Variants in ZRANB3 observed in about 807,000 individuals in gnomAD.
The protein encoded by ZRANB3 is DNA annealing helicase and endonuclease ZRANB3.
In ZRANB3, 125 loss-of-function variants were observed where a neutral mutation model predicts 133.8. The observed-to-expected ratio is 0.93, with a 90% CI of 0.81 to 1.08. The LOEUF (loss-of-function observed/expected upper bound fraction) is 1.08. Ranked by LOEUF, ZRANB3 falls within the 50% of genes least tolerant of loss-of-function variation. The pLI, the probability that ZRANB3 is intolerant of heterozygous loss-of-function variation, is 0.00. For synonymous variants in ZRANB3, 387 were observed against 432.7 expected, an observed-to-expected ratio of 0.89 and a Z score of 1.31; for missense variants, 1,229 against 1,275.5, an observed-to-expected ratio of 0.96 and a Z score of 0.56.
intron 2 of ZRANB3, among the ~76,000 whole-genome samples, chr2:135,396,024 A>T (rs1001865299): frequency 2.0e-5 from 3 of 152,228 alleles, no homozygotes; most frequent in Non-Finnish European, 2.9e-5. Context: ...CTGAATAGAT[A>T]TTTTTCAAAG....
At chr2:135,347,802 A>G (rs1685010582) in intron 5 of ZRANB3, among the ~76,000 whole-genome samples, 1 of 152,216 alleles carries the variant, frequency 6.6e-6, no homozygotes. Flanking sequence ...ATACCAAAAC[A>G]TGAGTTGCAG....
intron 3 of ZRANB3, among the ~76,000 whole-genome samples, chr2:135,384,793 G>A (rs903393296): frequency 2.5e-4 from 38 of 152,198 alleles, no homozygotes; most frequent in African/African-American, 7.9e-4. Context: ...AAATTCAACA[G>A]CCCTTCATGC....
At chr2:135,251,973 T>C (rs1046209956) in intron 12 of ZRANB3, among the ~76,000 whole-genome samples, 4 of 152,204 alleles carry the variant, frequency 2.6e-5, no homozygotes, top group African/African-American at 9.7e-5. Flanking sequence ...AGGCGGAGGC[T>C]GCATTGAGCC....
chr2:135,327,641 A>T (rs1683900849), intron 6 of ZRANB3, among the ~76,000 whole-genome samples: 1 of 152,190 alleles, frequency 6.6e-6, no homozygotes, highest in Non-Finnish European at 1.5e-5. Flanking sequence ...AAGGGTGTTT[A>T]TATTCTTGTT....
At chr2:135,312,738 G>C (rs995830668) in intron 8 of ZRANB3, among the ~76,000 whole-genome samples, 5 of 152,010 alleles carry the variant, frequency 3.3e-5, no homozygotes, top group Non-Finnish European at 7.4e-5. Context: ...AATATAGTTC[G>C]GGCACGGTGG....
In ZRANB3 at chr2:135,284,905, G is replaced by GTGCA. The variant is rs370241234; in HGVS notation, c.967-9154_967-9151dup. Among the ~76,000 whole-genome samples the GTGCA allele has an allele frequency of 9.9e-5, 15 of 150,982 alleles. No individual in the cohort carries two copies. The East Asian group carries it at 2.9e-3, about 30-fold the overall frequency. On this transcript the variant is annotated intron_variant, in intron 8 of 20. Coordinates refer to ENST00000264159, the MANE Select transcript of ZRANB3 (RefSeq NM_032143.4). ...TTGTTGCCTAGGCTGGAGTGCCACG[G>GTGCA]TGCACTCTTGGCTCGCTGCAATCTC...
intron 2 of ZRANB3, among the ~76,000 whole-genome samples, chr2:135,477,453 G>A (rs1278561914): frequency 6.6e-6 from 1 of 152,178 alleles, no homozygotes; most frequent in Non-Finnish European, 1.5e-5. Context: ...GGAAGGTCTG[G>A]TAGTAGCTGG....
intron 15 of ZRANB3, among the ~76,000 whole-genome samples, chr2:135,223,379 G>A (rs1328807893): frequency 6.7e-6 from 1 of 150,180 alleles, no homozygotes; most frequent in Non-Finnish European, 1.5e-5. Context: ...AGGCTGGAGT[G>A]CAGTGGCGCG....
chr2:135,213,523 T>C (rs1261807775), intron 17 of ZRANB3, among the ~76,000 whole-genome samples: 1 of 152,222 alleles, frequency 6.6e-6, no homozygotes, highest in African/African-American at 2.4e-5. Flanking sequence ...TTTCATTTCA[T>C]GATGCTGCTA....
intron 6 of ZRANB3, among the ~76,000 whole-genome samples, chr2:135,324,838 A>G (rs1683732373): frequency 6.6e-6 from 1 of 151,932 alleles, no homozygotes; most frequent in South Asian, 2.1e-4. Context: ...AGCAGTGATG[A>G]TGAGCATTTT....
chr2:135,226,004 G>A (rs1694747902), intron 14 of ZRANB3, among the ~76,000 whole-genome samples: 1 of 152,194 alleles, frequency 6.6e-6, no homozygotes, highest in Admixed American at 6.5e-5. Flanking sequence ...TGAAAGAAAT[G>A]TCCAAGCAAC....
At chr2:135,300,214 C>T (rs1245981503) in intron 8 of ZRANB3, among the ~76,000 whole-genome samples, 1 of 152,062 alleles carries the variant, frequency 6.6e-6, no homozygotes, top group Non-Finnish European at 1.5e-5. Context: ...AACTAAACAC[C>T]ACAAATAATG....
rs752076803 is a variant in ZRANB3, at chr2:135,315,492, GC to G, written c.715del (p.Ala239HisfsTer11). On this transcript the variant is annotated frameshift_variant, in exon 7 of 21. Coordinates refer to ENST00000264159, the MANE Select transcript of ZRANB3 (RefSeq NM_032143.4). LOFTEE classifies it high-confidence loss of function. ...CTGGTGAAGTTCATTAAGATTTGAT[GC>G]CCCTCTACAATCCCACTGAGGTCTT... ...GKRPQWDCRG[A>X]SNLNELHQLL... The G allele has an allele frequency of 7.0e-6, 11 of 1,580,556 alleles. No individual in the cohort carries two copies. The South Asian group carries it at 9.6e-5, about 14-fold the overall frequency.
At chr2:135,278,554 G>C (rs930460462) in intron 8 of ZRANB3, among the ~76,000 whole-genome samples, 2 of 152,140 alleles carry the variant, frequency 1.3e-5, no homozygotes, top group African/African-American at 2.4e-5. Flanking sequence ...TAACAGTTCA[G>C]ACTGGAGCTA....
intron 2 of ZRANB3, among the ~76,000 whole-genome samples, chr2:135,468,491 C>A (rs1329214945): frequency 6.6e-6 from 1 of 152,126 alleles, no homozygotes; most frequent in African/African-American, 2.4e-5. Context: ...CACAATGTAA[C>A]AAAATTTATG....
At chr2:135,505,423 A>C (rs189168297) in intron 1 of ZRANB3, among the ~76,000 whole-genome samples, 3 of 152,150 alleles carry the variant, frequency 2.0e-5, no homozygotes, top group Non-Finnish European at 2.9e-5. Context: ...AAAATACAAA[A>C]ATTAGCTGGG....
intron 17 of ZRANB3, among the ~76,000 whole-genome samples, chr2:135,216,338 T>C (rs990345490): frequency 3.9e-5 from 6 of 152,144 alleles, no homozygotes; most frequent in Non-Finnish European, 5.9e-5. Context: ...GATAAACTGA[T>C]GAAATATAAG....
intron 2 of ZRANB3, among the ~76,000 whole-genome samples, chr2:135,412,625 T>C (rs1163723421): frequency 1.3e-5 from 2 of 152,108 alleles, no homozygotes; most frequent in Non-Finnish European, 2.9e-5. Flanking sequence ...AATAAATAAT[T>C]GTGTAAAAGC....
intron 5 of ZRANB3, among the ~76,000 whole-genome samples, chr2:135,346,533 T>C (rs1369632612): frequency 6.6e-6 from 1 of 152,186 alleles, no homozygotes; most frequent in Non-Finnish European, 1.5e-5. Flanking sequence ...CATCCATCCA[T>C]CCATTCATTC....
Sources: gnomAD v4.1 joint callset for allele counts (sites outside exome capture counted in the v4.1 genomes callset) on GRCh38, gnomAD v4.1.1 for gene constraint, MANE v1.5 for transcripts, NCBI Gene and HGNC (gene_info 2026-07-23, HGNC 2026-07-21) for gene names.